The following SNTG1 variants were observed in gnomAD, a reference collection of about 807,000 sequenced individuals.
SNTG1 encodes the protein gamma-1-syntrophin.
In SNTG1, 39 loss-of-function variants were observed where a neutral mutation model predicts 74.7. The observed-to-expected ratio is 0.52, with a 90% CI of 0.40 to 0.68. SNTG1 has a LOEUF of 0.68. Among genes scored for constraint, SNTG1 ranks in the 30% least tolerant of loss-of-function variants. The probability of loss-of-function intolerance (pLI) is 0.00; values close to 1 mark genes in which losing one functional copy is unlikely to be tolerated. For synonymous variants in SNTG1, 254 were observed against 217.1 expected (o/e 1.17, Z -1.49); for missense variants, 685 against 609.5 (o/e 1.12, Z -1.30).
rs538251540 is a variant in SNTG1, at chr8:50,453,837, A to G, written c.363+3108A>G. On this transcript the variant is annotated intron_variant, in intron 8 of 18. Coordinates refer to ENST00000642720, the MANE Select transcript of SNTG1 (RefSeq NM_018967.5). ...GAGCCATGATGGGCCCTGGGGGGTC[A>G]CACACAGACAGAGCCAATGCTGCTG... 7.2e-5 allele frequency among the ~76,000 whole-genome samples: 11 copies of G among 152,250 alleles called. No homozygotes were observed. In the South Asian group the frequency reaches 2.3e-3, roughly 32 times the overall value.
At chr8:50,726,501 C>T (rs1563784980) in intron 17 of SNTG1, among the ~76,000 whole-genome samples, 1 of 152,130 alleles carries the variant, frequency 6.6e-6, no homozygotes, top group Non-Finnish European at 1.5e-5. Context: ...TGTGAATAAT[C>T]AAGAGTTGCT....
intron 2 of SNTG1, among the ~76,000 whole-genome samples, chr8:50,336,628 A>T (rs2091152951): frequency 6.6e-6 from 1 of 152,242 alleles, no homozygotes; most frequent in Admixed American, 6.5e-5. Flanking sequence ...GTGAATGCCC[A>T]GCATTAGCGA....
At chr8:50,259,874 T>C (rs2087094325) in intron 2 of SNTG1, among the ~76,000 whole-genome samples, 1 of 152,098 alleles carries the variant, frequency 6.6e-6, no homozygotes, top group African/African-American at 2.4e-5. Context: ...AGAAGAAATT[T>C]TCATGAGACA....
chr8:50,557,988 G>GGGA (rs1238374030), intron 12 of SNTG1, among the ~76,000 whole-genome samples: 2 of 152,070 alleles, frequency 1.3e-5, no homozygotes, highest in Non-Finnish European at 2.9e-5. Context: ...ACTCCTAAGT[G>GGGA]GGAGTTCCCC....
intron 1 of SNTG1, among the ~76,000 whole-genome samples, chr8:50,072,045 A>C (rs1197654651): frequency 2.0e-5 from 3 of 152,120 alleles, no homozygotes; most frequent in African/African-American, 7.2e-5. Context: ...ATTGGTACCA[A>C]CTCATTCTTG....
In SNTG1 at chr8:50,394,255, C is replaced by A; in HGVS notation, c.17C>A (p.Ala6Asp). Reference protein sequence around the residue: MDFRTACEETKTGICL... With the variant: MDFRTDCEETKTGICL... ...CCACAGCACATGGATTTCAGAACCG[C>A]CTGTGAGGAGGTGAGTACAGAGCTT... The change falls in exon 3 of 19, where the codon GCC (alanine) becomes GAC (aspartate). Residue 6 changes from alanine (A) to aspartate (D), a missense_variant. Ala to Asp is a moderately radical substitution (Grantham distance 126, BLOSUM62 -2). Coordinates refer to ENST00000642720, the MANE Select transcript of SNTG1 (RefSeq NM_018967.5). 1 of 1,613,010 alleles carries A rather than the reference C, an allele frequency of 6.2e-7. No homozygotes were observed. Among genetic ancestry groups the A allele is most frequent in the Non-Finnish European group, 8.5e-7 (1 of 1,179,378 alleles).
rs559734843 is a variant in SNTG1 at position 50,394,936 on chromosome 8, G to A, written c.27+671G>A. On this transcript the variant is annotated intron_variant, in intron 3 of 18. Transcript: ENST00000642720. The stretch of plus-strand genomic sequence containing the variant: ...ATACAAATACTTGCAGCTTAAAAAT[G>A]TTTTATATTTGTTTAAAAGGTTTAA... 2.7e-5 allele frequency among the ~76,000 whole-genome samples: 4 copies of A among 146,382 alleles called. No individual in the cohort carries two copies. In the South Asian group the frequency reaches 8.6e-4, roughly 32 times the overall value.
intron 4 of SNTG1, among the ~76,000 whole-genome samples, chr8:50,419,649 C>T (rs2093056783): frequency 6.6e-6 from 1 of 152,034 alleles, no homozygotes; most frequent in South Asian, 2.1e-4. Flanking sequence ...AGCTAAAATT[C>T]CCACCTATCA....
chr8:49,963,924 T>C (rs1810917741), intron 1 of SNTG1, among the ~76,000 whole-genome samples: 2 of 152,232 alleles, frequency 1.3e-5, no homozygotes, highest in East Asian at 1.9e-4. Context: ...TAAGAACTTA[T>C]ACATAAAGCT....
intron 18 of SNTG1, among the ~76,000 whole-genome samples, chr8:50,768,977 A>G (rs1173334341): frequency 6.6e-6 from 1 of 152,052 alleles, no homozygotes; most frequent in East Asian, 1.9e-4. Context: ...TATCTGGACA[A>G]GATAGTGCCT....
At chr8:49,946,751 C>T (rs946089233) in intron 1 of SNTG1, among the ~76,000 whole-genome samples, 3 of 151,968 alleles carry the variant, frequency 2.0e-5, no homozygotes, top group Non-Finnish European at 4.4e-5. Flanking sequence ...TATTCTTGTT[C>T]CTTTTACCTA....
At chr8:50,084,888 C>T (rs967756730) in intron 1 of SNTG1, among the ~76,000 whole-genome samples, 1 of 152,184 alleles carries the variant, frequency 6.6e-6, no homozygotes, top group Non-Finnish European at 1.5e-5. Flanking sequence ...AGCAAGAAGG[C>T]CTTCACCAGA....
intron 2 of SNTG1, among the ~76,000 whole-genome samples, chr8:50,284,182 G>T (rs2088632343): frequency 6.6e-6 from 1 of 151,930 alleles, no homozygotes; most frequent in Admixed American, 6.6e-5. Flanking sequence ...GAATTTGTTA[G>T]ATGTTTTTCT....
rs1423846839 is a variant in SNTG1 at position 50,123,678 on chromosome 8, A to C, written c.-102-48883A>C. 2.1e-5 allele frequency among the ~76,000 whole-genome samples: 3 copies of C among 142,682 alleles called. 1 individual carries two copies. The highest frequency in any genetic ancestry group is 4.7e-5 in the Non-Finnish European group (3 of 64,034). The allele number at this position is 142,682 out of a possible 152,430, so 93.6% of individuals were successfully genotyped here. A position where few individuals can be genotyped will look rare whatever the true frequency, so the allele number is the denominator to read the frequency against. Reference sequence around the variant, plus strand: ...GTCTTCATGTATATGCAAAGCACAGATTCTTTTATTTTGTTTTTCCTACTG... The same window carrying C: ...GTCTTCATGTATATGCAAAGCACAGCTTCTTTTATTTTGTTTTTCCTACTG... On this transcript the variant is annotated intron_variant, in intron 1 of 18. Coordinates refer to ENST00000642720, the MANE Select transcript of SNTG1 (RefSeq NM_018967.5).
chr8:50,717,305 T>G (rs2095477426), intron 17 of SNTG1, among the ~76,000 whole-genome samples: 1 of 152,192 alleles, frequency 6.6e-6, no homozygotes, highest in Non-Finnish European at 1.5e-5. Flanking sequence ...AATAACTGAC[T>G]TCAAACTTTT....
intron 15 of SNTG1, among the ~76,000 whole-genome samples, chr8:50,676,914 G>A (rs2095311772): frequency 1.3e-5 from 2 of 151,964 alleles, no homozygotes; most frequent in Admixed American, 6.6e-5. Context: ...GAAAGATTCA[G>A]TCACTTTATC....
intron 1 of SNTG1, among the ~76,000 whole-genome samples, chr8:49,962,657 G>A (rs1810795234): frequency 1.3e-5 from 2 of 152,212 alleles, no homozygotes; most frequent in South Asian, 4.2e-4. Flanking sequence ...GTGCAGTGAT[G>A]TGACCTCAAC....
chr8:50,287,391 G>C (rs138113278), intron 2 of SNTG1, among the ~76,000 whole-genome samples: 1 of 152,168 alleles, frequency 6.6e-6, no homozygotes, highest in Non-Finnish European at 1.5e-5. Context: ...AGTTAACGTC[G>C]TTGCCATCTG....
chr8:49,957,894 G>A lies in SNTG1; in HGVS notation c.-103+45663G>A, dbSNP rs536185991. On this transcript the variant is annotated intron_variant, in intron 1 of 18. Transcript: ENST00000642720. ...GACTAGAGGATGGTTTGAACCGGGAGTTGAAGTCCAGCCTGGGCAACAGAG... is the reference window on the plus strand; with the variant it reads ...GACTAGAGGATGGTTTGAACCGGGAATTGAAGTCCAGCCTGGGCAACAGAG... 1.6e-3 allele frequency among the ~76,000 whole-genome samples: 247 copies of A among 152,200 alleles called. 1 individual carries two copies. Among genetic ancestry groups the A allele is most frequent in the South Asian group, 0.014 (66 of 4,818 alleles).
Sources: gnomAD v4.1 joint callset for allele counts (sites outside exome capture counted in the v4.1 genomes callset) on GRCh38, gnomAD v4.1.1 for gene constraint, MANE v1.5 for transcripts, NCBI Gene and HGNC (gene_info 2026-07-23, HGNC 2026-07-21) for gene names.